The following TMC1 variants were observed in gnomAD, a reference collection of about 807,000 sequenced individuals.
TMC1 encodes transmembrane channel like 1.
TMC1 carries 84 observed loss-of-function variants against 105.8 expected under a neutral mutation model. The observed-to-expected ratio is 0.79, with a 90% CI of 0.67 to 0.95. The LOEUF is 0.95. Ranked by LOEUF, TMC1 falls within the 40% of genes least tolerant of loss-of-function variation. The pLI is 0.00. For missense variants in TMC1, 817 were observed against 914.1 expected (o/e 0.89, Z 1.37); for synonymous variants, 315 against 311.5 (o/e 1.01, Z -0.12).
intron 1 of TMC1, among the ~76,000 whole-genome samples, chr9:72,554,202 C>A (rs568685259): frequency 2.0e-5 from 3 of 152,052 alleles, no homozygotes; most frequent in Non-Finnish European, 4.4e-5. Flanking sequence ...CTTTTCTTAG[C>A]TGTGATCGTT....
chr9:72,653,054 T>A (rs1825836601), intron 5 of TMC1, among the ~76,000 whole-genome samples: 1 of 152,186 alleles, frequency 6.6e-6, no homozygotes, highest in South Asian at 2.1e-4. Flanking sequence ...AATAAATAAT[T>A]TATATATCAA....
intron 13 of TMC1, among the ~76,000 whole-genome samples, chr9:72,783,766 G>C (rs941496713): frequency 6.6e-5 from 10 of 152,072 alleles, no homozygotes; most frequent in Non-Finnish European, 1.3e-4. Flanking sequence ...TTTTGACAAA[G>C]TTAACAAAAA....
intron 8 of TMC1, among the ~76,000 whole-genome samples, chr9:72,700,949 T>G (rs1235881066): frequency 1.3e-5 from 2 of 152,038 alleles, no homozygotes; most frequent in African/African-American, 2.4e-5. Flanking sequence ...GGGCTAATGA[T>G]TATAAATTGG....
At chr9:72,619,441 A>G (rs1483597257) in intron 3 of TMC1, among the ~76,000 whole-genome samples, 2 of 152,194 alleles carry the variant, frequency 1.3e-5, no homozygotes, top group Non-Finnish European at 2.9e-5. Context: ...AATATTATGC[A>G]TGCAGTATAT....
At chr9:72,566,738 C>G (rs1029428775) in intron 1 of TMC1, among the ~76,000 whole-genome samples, 1 of 152,164 alleles carries the variant, frequency 6.6e-6, no homozygotes, top group Admixed American at 6.5e-5. Flanking sequence ...CCCTTGTGGA[C>G]TCTGCCACAG....
At chr9:72,781,833 C>A (rs1828098226) in intron 13 of TMC1, among the ~76,000 whole-genome samples, 1 of 152,060 alleles carries the variant, frequency 6.6e-6, no homozygotes, top group Non-Finnish European at 1.5e-5. Context: ...GCCTATCAAC[C>A]AGAAAAAGTC....
At position 72,623,158 on chromosome 9, in the gene TMC1, TTTTC is replaced by T. The variant is rs1564451162; in HGVS notation, c.-195-4759_-195-4756del. Among the ~76,000 whole-genome samples, 155 of 131,850 alleles carry T rather than the reference TTTTC, an allele frequency of 1.2e-3. 1 individual carries two copies. Among genetic ancestry groups the T allele is most frequent in the African/African-American group, 4.3e-3 (142 of 33,018 alleles). The allele number at this position is 131,850 out of a possible 152,430, so 86.5% of individuals were successfully genotyped here. On this transcript the variant is annotated intron_variant, in intron 3 of 23. Coordinates refer to ENST00000297784, the MANE Select transcript of TMC1 (RefSeq NM_138691.3). ...CTCTCTCTCTCCCTGTTTTTTTTTT[TTTTC>T]TTTTTTTTTTTTTTGTCTCATCTTT... is the stretch of plus-strand genomic sequence containing the variant.
rs752951470 is a variant in TMC1, at chr9:72,836,004, C to T, written c.*31C>T. 1 of 1,521,240 alleles carries T rather than the reference C, an allele frequency of 6.6e-7. No homozygotes were observed. The highest frequency in any genetic ancestry group is 1.4e-5 in the African/African-American group (1 of 71,472). 94.2% of individuals were successfully genotyped at this position (1,521,240 alleles called of 1,614,324 possible). ...ATCCTGAGAGCCCAGAAAAGGTACA[C>T]TTTGCCTTGCTGTTTAAAAGTAATG... On this transcript the variant is annotated 3_prime_UTR_variant, in exon 24 of 24. Coordinates refer to ENST00000297784, the MANE Select transcript of TMC1 (RefSeq NM_138691.3).
intron 1 of TMC1, among the ~76,000 whole-genome samples, chr9:72,535,476 G>T (rs1823567596): frequency 6.6e-6 from 1 of 152,000 alleles, no homozygotes; most frequent in Non-Finnish European, 1.5e-5. Context: ...CCATATCAGG[G>T]GAGGATATGT....
chr9:72,746,309 A>G (rs553505757), intron 10 of TMC1, among the ~76,000 whole-genome samples: 2 of 152,324 alleles, frequency 1.3e-5, no homozygotes, highest in Admixed American at 6.5e-5. Flanking sequence ...GATGCCTAAC[A>G]TGTTTCTAGG....
At chr9:72,718,562 T>C (rs1036707590) in intron 8 of TMC1, among the ~76,000 whole-genome samples, 12 of 152,234 alleles carry the variant, frequency 7.9e-5, no homozygotes, top group African/African-American at 2.9e-4. Context: ...GAACCATCTT[T>C]AGGTCTCTCA....
At chr9:72,773,395 C>T (rs2118130341) in intron 13 of TMC1, among the ~76,000 whole-genome samples, 1 of 152,276 alleles carries the variant, frequency 6.6e-6, no homozygotes, top group Admixed American at 6.5e-5. Flanking sequence ...AGTGCAAAGT[C>T]ACCCTAAGCA....
intron 8 of TMC1, among the ~76,000 whole-genome samples, chr9:72,738,095 T>C (rs547909472): frequency 1.4e-5 from 2 of 148,036 alleles, no homozygotes; most frequent in South Asian, 4.5e-4. Context: ...CTAGAAGGTT[T>C]ACATTTATTA....
chr9:72,624,778 C>T (rs1456594589), intron 3 of TMC1, among the ~76,000 whole-genome samples: 1 of 152,210 alleles, frequency 6.6e-6, no homozygotes, highest in African/African-American at 2.4e-5. Flanking sequence ...ACTCATAACT[C>T]ACCTGCAATG....
intron 10 of TMC1, among the ~76,000 whole-genome samples, chr9:72,745,549 G>A (rs910485775): frequency 2.6e-5 from 4 of 152,108 alleles, no homozygotes; most frequent in African/African-American, 9.6e-5. Context: ...TATATGTTTT[G>A]TATTCTATAG....
chr9:72,618,989 A>G (rs759804201), intron 3 of TMC1, among the ~76,000 whole-genome samples: 6 of 152,200 alleles, frequency 3.9e-5, no homozygotes, highest in Non-Finnish European at 5.9e-5. Context: ...TAGTGCCCAG[A>G]TGGTGCTCTC....
chr9:72,575,885 A>G (rs1824370992), intron 1 of TMC1, among the ~76,000 whole-genome samples: 1 of 148,396 alleles, frequency 6.7e-6, no homozygotes, highest in African/African-American at 2.5e-5. Context: ...GAGTCAGGAA[A>G]GAGGGCCAGT....
intron 17 of TMC1, among the ~76,000 whole-genome samples, chr9:72,794,970 A>T (rs1828337789): frequency 6.6e-6 from 1 of 152,236 alleles, no homozygotes; most frequent in Non-Finnish European, 1.5e-5. Context: ...CAATACAGGA[A>T]TTTCACAATG....
At chr9:72,688,092 T>C (rs1826405622) in intron 5 of TMC1, among the ~76,000 whole-genome samples, 1 of 152,136 alleles carries the variant, frequency 6.6e-6, no homozygotes, top group African/African-American at 2.4e-5. Flanking sequence ...AGAAAAAGTG[T>C]CCTTTGTCTT....
Sources: allele counts gnomAD v4.1 joint callset (sites outside exome capture counted in the v4.1 genomes callset), GRCh38; gene constraint gnomAD v4.1.1; transcripts MANE v1.5; gene names NCBI Gene and HGNC (gene_info 2026-07-23, HGNC 2026-07-21).